The following SCHIP1 variants were observed in gnomAD, a reference collection of about 807,000 sequenced individuals.
SCHIP1 encodes the protein schwannomin interacting protein 1, also known as schwannomin-interacting protein 1.
In SCHIP1, 8 loss-of-function variants were observed where a neutral mutation model predicts 29.7. That is an observed-to-expected ratio of 0.27 (90% confidence interval 0.16 to 0.49). SCHIP1 has a LOEUF of 0.49. Among genes scored for constraint, SCHIP1 ranks in the 20% least tolerant of loss-of-function variants. SCHIP1 has a pLI of 0.99. For synonymous variants in SCHIP1, 76 were observed against 94.9 expected, an observed-to-expected ratio of 0.80 and a Z score of 1.16; for missense variants, 193 against 294.6, an observed-to-expected ratio of 0.66 and a Z score of 2.52.
chr3:159,804,246 G>C, the SCHIP1 span, among the ~76,000 whole-genome samples: 9 of 152,186 alleles, frequency 5.9e-5, 1 homozygote, highest in Admixed American at 2.0e-4. Context: ...TTTGGGCTGA[G>C]CAGGTGAGGG....
chr3:159,371,880 A>G, the SCHIP1 span, among the ~76,000 whole-genome samples: 2 of 152,182 alleles, frequency 1.3e-5, no homozygotes, highest in Non-Finnish European at 2.9e-5. Flanking sequence ...TGTATTTTTG[A>G]CTTGTGATTT....
chr3:159,484,843 TTC>T, the SCHIP1 span, among the ~76,000 whole-genome samples: 1 of 152,190 alleles, frequency 6.6e-6, no homozygotes, highest in African/African-American at 2.4e-5. Context: ...AAGTGACTCT[TTC>T]GGTTCCTACA....
chr3:159,399,379 C>T, the SCHIP1 span, among the ~76,000 whole-genome samples: 32 of 152,220 alleles, frequency 2.1e-4, no homozygotes, highest in East Asian at 3.7e-3. Flanking sequence ...TATTATGTCT[C>T]TCCCACTGCA....
At chr3:159,553,967 CGTGTGTGTGTGTGTGTGTGTGT>C in the SCHIP1 span, among the ~76,000 whole-genome samples, 93 of 115,798 alleles carry the variant, frequency 8.0e-4, 1 homozygote, top group East Asian at 8.1e-3. Flanking sequence ...CGCCCAGCTA[CGTGTGTGTGTGTGTGTGTGTGT>C]GTGTGTGTGT....
At chr3:159,299,698 G>A in the SCHIP1 span, among the ~76,000 whole-genome samples, 1 of 152,114 alleles carries the variant, frequency 6.6e-6, no homozygotes, top group African/African-American at 2.4e-5. Context: ...TGTGGAGCGA[G>A]CATCCTCACA....
the SCHIP1 span, among the ~76,000 whole-genome samples, chr3:159,798,555 C>T: frequency 6.6e-6 from 1 of 151,920 alleles, no homozygotes; most frequent in Non-Finnish European, 1.5e-5. Flanking sequence ...GTCAGGAGTT[C>T]GAGACCAGCC....
At chr3:159,547,184 T>C in the SCHIP1 span, among the ~76,000 whole-genome samples, 2 of 152,208 alleles carry the variant, frequency 1.3e-5, no homozygotes, top group African/African-American at 4.8e-5. Flanking sequence ...GATGAGCTTT[T>C]TTTCATATGT....
chr3:159,870,034 A>T (rs1447257761), intron 2 of SCHIP1, among the ~76,000 whole-genome samples: 1 of 151,964 alleles, frequency 6.6e-6, no homozygotes, highest in African/African-American at 2.4e-5. Context: ...TGGTGAACAG[A>T]AATGCAATTA....
chr3:159,525,069 C>T, the SCHIP1 span, among the ~76,000 whole-genome samples: 2 of 152,318 alleles, frequency 1.3e-5, no homozygotes, highest in East Asian at 3.9e-4. Flanking sequence ...CCCCTTGGAA[C>T]TTCCCAAGGA....
the SCHIP1 span, among the ~76,000 whole-genome samples, chr3:159,553,003 C>G: frequency 1.3e-5 from 2 of 152,074 alleles, no homozygotes; most frequent in East Asian, 1.9e-4. Context: ...ATATTAGTTA[C>G]TGTCAAAAAG....
At chr3:159,290,136 T>C in the SCHIP1 span, among the ~76,000 whole-genome samples, 1 of 151,462 alleles carries the variant, frequency 6.6e-6, no homozygotes, top group African/African-American at 2.4e-5. Flanking sequence ...CGAAGACAAC[T>C]AAAAAAAAGG....
At chr3:159,318,906 C>A in the SCHIP1 span, among the ~76,000 whole-genome samples, 1 of 152,092 alleles carries the variant, frequency 6.6e-6, no homozygotes, top group Non-Finnish European at 1.5e-5. Context: ...CCACCAAAGC[C>A]CAGTAACAGG....
the SCHIP1 span, among the ~76,000 whole-genome samples, chr3:159,446,796 G>C: frequency 9.2e-5 from 14 of 152,048 alleles, no homozygotes; most frequent in Non-Finnish European, 1.8e-4. Context: ...AAACCAAAAG[G>C]GTTGTTAACT....
the SCHIP1 span, among the ~76,000 whole-genome samples, chr3:159,442,371 C>G: frequency 6.6e-6 from 1 of 152,120 alleles, no homozygotes; most frequent in Non-Finnish European, 1.5e-5. Flanking sequence ...AGGATAGGAG[C>G]GCTCCAACCT....
chr3:159,504,261 G>A, the SCHIP1 span, among the ~76,000 whole-genome samples: 7 of 152,258 alleles, frequency 4.6e-5, no homozygotes, highest in East Asian at 3.9e-4. Context: ...TATAAGTGTC[G>A]TGAAGAAATG....
chr3:159,639,741 G>A, the SCHIP1 span, among the ~76,000 whole-genome samples: 28 of 152,254 alleles, frequency 1.8e-4, no homozygotes, highest in South Asian at 6.2e-4. Flanking sequence ...GCCTCTCCAC[G>A]TAGTTTGGAA....
chr3:159,815,102 C>G, the SCHIP1 span, among the ~76,000 whole-genome samples: 2 of 152,190 alleles, frequency 1.3e-5, no homozygotes, highest in African/African-American at 4.8e-5. Flanking sequence ...AAGCCTGGAT[C>G]TTGCTGGAGT....
chr3:159,727,239 T>A, the SCHIP1 span, among the ~76,000 whole-genome samples: 5 of 152,254 alleles, frequency 3.3e-5, no homozygotes, highest in African/African-American at 1.2e-4. Flanking sequence ...ATTCCGAGTT[T>A]TTTCCTAATC....
chr3:159,293,254 T>C, the SCHIP1 span, among the ~76,000 whole-genome samples: 1 of 152,222 alleles, frequency 6.6e-6, no homozygotes, highest in Non-Finnish European at 1.5e-5. Flanking sequence ...ATTCACTATG[T>C]CCTCTAATAG....
Sources: gnomAD v4.1 joint callset for allele counts (sites outside exome capture counted in the v4.1 genomes callset) on GRCh38, gnomAD v4.1.1 for gene constraint, MANE v1.5 for transcripts, NCBI Gene and HGNC (gene_info 2026-07-23, HGNC 2026-07-21) for gene names.